Variants in MECOM observed in about 807,000 individuals in gnomAD.
MECOM encodes histone-lysine N-methyltransferase MECOM.
MECOM carries 13 observed loss-of-function variants against 116.3 expected under a neutral mutation model. That is an observed-to-expected ratio of 0.11 (90% CI 0.07 to 0.18). The LOEUF (loss-of-function observed/expected upper bound fraction) is 0.18. MECOM is among the 10% of genes least tolerant of loss of function. The pLI is 1.00. For missense variants in MECOM, 1,299 were observed against 1,509.0 expected (o/e 0.86, Z 2.31); for synonymous variants, 528 against 535.2 (o/e 0.99, Z 0.19).
chr3:169,551,850 A>C (rs931263103), intron 1 of MECOM, among the ~76,000 whole-genome samples: 2 of 152,222 alleles, frequency 1.3e-5, no homozygotes, highest in African/African-American at 4.8e-5. Context: ...TGGTATATCC[A>C]TGCAATGGAA....
rs1738851451 is a variant in MECOM at position 169,143,753 on chromosome 3, C to T, written c.455G>A (p.Arg152Lys). 6.2e-7 allele frequency: 1 copy of T among 1,611,368 alleles called. No homozygotes were observed. The highest frequency in any genetic ancestry group is 8.5e-7 in the Non-Finnish European group (1 of 1,178,806). The stretch of plus-strand genomic sequence containing the variant: ...GTGCTGATCATAACAGCCAGCGAAT[C>T]TAATGTACTTGAGCCAGCTTCCAAC... ...PDVGSWLKYI[R>K]FAGCYDQHNL... Residue 152 changes from arginine to lysine, a missense_variant, in exon 3 of 17, where the codon AGA becomes AAA. By Grantham distance (26) the Arg-to-Lys change is conservative. This residue lies in a region of MECOM where 374 missense variants were observed against 433.4 expected (regional missense o/e 0.86). Transcript: ENST00000651503.
At chr3:169,557,953 G>C (rs10936584) in intron 1 of MECOM, among the ~76,000 whole-genome samples, 25,649 of 152,150 alleles carry the variant, frequency 0.17, 2,507 homozygotes, top group East Asian at 0.37. Flanking sequence ...TGGCTACTGT[G>C]AAATGAAGTT....
intron 1 of MECOM, among the ~76,000 whole-genome samples, chr3:169,575,871 T>TAA (rs147371655): frequency 1.7e-4 from 25 of 147,466 alleles, no homozygotes; most frequent in Non-Finnish European, 3.2e-4. Flanking sequence ...CCTTAAGAGT[T>TAA]AAAAAAAAAA....
chr3:169,490,223 G>C (rs998489707), intron 1 of MECOM, among the ~76,000 whole-genome samples: 36 of 152,098 alleles, frequency 2.4e-4, no homozygotes, highest in African/African-American at 8.7e-4. Flanking sequence ...GAGAGATCTA[G>C]CAAAAATAGA....
rs1226990755 is a variant in MECOM, at chr3:169,149,935, C to CTCTCTGTG, written c.376-6104_376-6103insCACAGAGA. The stretch of plus-strand genomic sequence containing the variant: ...AATCTTAATCTCTCTTTCTCTCTCT[C>CTCTCTGTG]TGTGTGTGTGTGTGTGTGTGTGTGT... On this transcript the variant is annotated intron_variant, in intron 2 of 16. Coordinates refer to ENST00000651503, the MANE Select transcript of MECOM (RefSeq NM_004991.4). 1.6e-3 allele frequency among the ~76,000 whole-genome samples: 211 copies of CTCTCTGTG among 131,274 alleles called. 1 individual carries two copies. Among genetic ancestry groups the CTCTCTGTG allele is most frequent in the Non-Finnish European group, 2.7e-3 (165 of 62,236 alleles). The allele number at this position is 131,274 out of a possible 152,430, so 86.1% of individuals were successfully genotyped here.
At chr3:169,324,740 A>G (rs775342954) in intron 2 of MECOM, among the ~76,000 whole-genome samples, 8 of 152,222 alleles carry the variant, frequency 5.3e-5, no homozygotes, top group Non-Finnish European at 1.2e-4. Context: ...TCCTCCTACA[A>G]GTGCAGGAAG....
rs147410874 is a variant in MECOM, at chr3:169,493,886, C to G, written c.38-112362G>C. Among the ~76,000 whole-genome samples, 22 of 151,946 alleles carry G rather than the reference C, an allele frequency of 1.4e-4. 1 individual carries two copies. In the East Asian group the frequency reaches 4.1e-3, roughly 28 times the overall value. On this transcript the variant is annotated intron_variant, in intron 1 of 16. Coordinates refer to ENST00000651503, the MANE Select transcript of MECOM (RefSeq NM_004991.4). ...AGGGAAGGAACCATAGAGAGATTGA[C>G]GAGTACACACTTTGAAACAGAAGAT...
chr3:169,243,031 T>A (rs751142166), intron 2 of MECOM, among the ~76,000 whole-genome samples: 4 of 152,108 alleles, frequency 2.6e-5, no homozygotes, highest in Non-Finnish European at 5.9e-5. Flanking sequence ...TTCCATCAAA[T>A]CTAGAATGCA....
At chr3:169,444,727 C>G (rs1744315938) in intron 1 of MECOM, among the ~76,000 whole-genome samples, 1 of 152,106 alleles carries the variant, frequency 6.6e-6, no homozygotes, top group Non-Finnish European at 1.5e-5. Context: ...GAGATTGGAA[C>G]AGTTTGGAGG....
Position 169,378,509 on chromosome 3 carries a change from GAAAGAAA to G in MECOM, c.375+2671_375+2677del, listed in dbSNP as rs1731712388. ...AGAGAGAAAGAAAGAAAGAAAGAAA[GAAAGAAA>G]AGAAAGAAAGAAAGAAAGAAAGAAA... On this transcript the variant is annotated intron_variant, in intron 2 of 16. Transcript: ENST00000651503. Among the ~76,000 whole-genome samples the G allele has an allele frequency of 1.1e-4, 3 of 28,072 alleles. 1 individual carries two copies. Among genetic ancestry groups the G allele is most frequent in the African/African-American group, 6.6e-4 (3 of 4,552 alleles). The allele number at this position is 28,072 out of a possible 152,430, so 18.4% of individuals were successfully genotyped here.
intron 1 of MECOM, among the ~76,000 whole-genome samples, chr3:169,660,429 G>A (rs527571280): frequency 6.6e-6 from 1 of 151,606 alleles, no homozygotes; most frequent in African/African-American, 2.4e-5. Flanking sequence ...ATTCAATCTC[G>A]GTGTAGATTC....
At chr3:169,483,314 T>C (rs1364225754) in intron 1 of MECOM, among the ~76,000 whole-genome samples, 3 of 151,144 alleles carry the variant, frequency 2.0e-5, no homozygotes, top group Non-Finnish European at 2.9e-5. Context: ...AGCCCACTTG[T>C]ATCCCTGAAT....
chr3:169,393,437 G>A (rs570455108), intron 1 of MECOM, among the ~76,000 whole-genome samples: 13 of 152,088 alleles, frequency 8.5e-5, no homozygotes, highest in African/African-American at 2.9e-4. Flanking sequence ...AGCCAAAGTA[G>A]CAAAATTCAT....
At chr3:169,590,007 T>A (rs1056873700) in intron 1 of MECOM, among the ~76,000 whole-genome samples, 1 of 152,216 alleles carries the variant, frequency 6.6e-6, no homozygotes. Flanking sequence ...TACCCTTTCT[T>A]GGCATCTTTG....
At chr3:169,120,896 TA>T in intron 7 of MECOM, 159 bp downstream of exon 7, 1 of 624,896 alleles carries the variant, frequency 1.6e-6, no homozygotes, top group Non-Finnish European at 2.4e-6. Context: ...GATCTGATTA[TA>T]AAAGATTTAC....
intron 1 of MECOM, among the ~76,000 whole-genome samples, chr3:169,415,963 C>T (rs1442455817): frequency 6.6e-6 from 1 of 152,086 alleles, no homozygotes; most frequent in Non-Finnish European, 1.5e-5. Flanking sequence ...TTAGACAGAT[C>T]AATGAGACAG....
At chr3:169,589,394 G>A (rs1018021579) in intron 1 of MECOM, among the ~76,000 whole-genome samples, 5 of 151,878 alleles carry the variant, frequency 3.3e-5, no homozygotes, top group African/African-American at 4.8e-5. Flanking sequence ...GGCCAAATTC[G>A]GCCATCCCAT....
chr3:169,433,641 G>GAAA, intron 1 of MECOM, among the ~76,000 whole-genome samples: 1 of 90,072 alleles, frequency 1.1e-5, no homozygotes, highest in East Asian at 5.1e-4. Flanking sequence ...AAGAGAAAGA[G>GAAA]AAAGAAAGAA....
intron 2 of MECOM, among the ~76,000 whole-genome samples, chr3:169,353,917 T>C (rs1205281176): frequency 1.3e-5 from 2 of 151,842 alleles, no homozygotes; most frequent in African/African-American, 4.8e-5. Flanking sequence ...CAGAATACAC[T>C]TTTTTTCCTA....
Sources: allele counts gnomAD v4.1 joint callset (sites outside exome capture counted in the v4.1 genomes callset), GRCh38; gene constraint gnomAD v4.1.1; regional missense constraint gnomAD v4.1.1; transcripts MANE v1.5; gene names NCBI Gene and HGNC (gene_info 2026-07-23, HGNC 2026-07-21).